CTBP2: variants seen among roughly 807,000 people sequenced by gnomAD.
CTBP2 encodes C-terminal binding protein 2.
CTBP2 carries 30 observed loss-of-function variants against 80.3 expected under a neutral mutation model. The observed-to-expected ratio is 0.37, with a 90% CI of 0.28 to 0.51. The LOEUF (loss-of-function observed/expected upper bound fraction) is 0.51, where lower values mean the gene tolerates loss of function less well. Among genes scored for constraint, CTBP2 ranks in the 20% least tolerant of loss-of-function variants. The pLI is 0.93. For synonymous variants in CTBP2, 594 were observed against 587.4 expected, an observed-to-expected ratio of 1.01 and a Z score of -0.16; for missense variants, 1,212 against 1,375.3, an observed-to-expected ratio of 0.88 and a Z score of 1.88.
At chr10:125,016,298 C>T (rs561888309) in intron 1 of CTBP2, among the ~76,000 whole-genome samples, 1 of 152,344 alleles carries the variant, frequency 6.6e-6, no homozygotes, top group South Asian at 2.1e-4. Context: ...CAGGGGCCAC[C>T]ACTGAGTCAC....
At chr10:125,049,756 C>T (rs971175643) in intron 2 of CTBP2, among the ~76,000 whole-genome samples, 4 of 152,154 alleles carry the variant, frequency 2.6e-5, no homozygotes, top group Middle Eastern at 3.2e-3. Context: ...ATCTCAAAAA[C>T]AAGCAGGAAC....
At chr10:125,095,891 C>A (rs550987545) in intron 2 of CTBP2, among the ~76,000 whole-genome samples, 117 of 152,218 alleles carry the variant, frequency 7.7e-4, no homozygotes, top group Non-Finnish European at 1.0e-3. Flanking sequence ...TTGCTAAGGC[C>A]CAATGGTCAT....
At chr10:125,039,918 G>T (rs1959205340) in intron 2 of CTBP2, among the ~76,000 whole-genome samples, 1 of 152,172 alleles carries the variant, frequency 6.6e-6, no homozygotes, top group African/African-American at 2.4e-5. Flanking sequence ...GCTGATGGAG[G>T]AGGCAAGAAA....
chr10:125,104,452 A>T (rs1339038806), intron 2 of CTBP2, among the ~76,000 whole-genome samples: 5 of 152,184 alleles, frequency 3.3e-5, no homozygotes, highest in Non-Finnish European at 5.9e-5. Flanking sequence ...TATACTGCTG[A>T]GAAATTGATT....
chr10:125,141,645 C>T (rs577432198), intron 1 of CTBP2, among the ~76,000 whole-genome samples: 7 of 152,184 alleles, frequency 4.6e-5, no homozygotes, highest in Admixed American at 1.3e-4. Context: ...AGTAAACACA[C>T]GGCAAGTACA....
intron 1 of CTBP2, among the ~76,000 whole-genome samples, chr10:125,116,768 G>A (rs934650932): frequency 2.0e-5 from 3 of 152,184 alleles, no homozygotes; most frequent in Admixed American, 6.5e-5. Context: ...GGCATGGAAA[G>A]TGGTGCCAGG....
chr10:125,078,645 G>A (rs1846672448), intron 2 of CTBP2, among the ~76,000 whole-genome samples: 1 of 152,108 alleles, frequency 6.6e-6, no homozygotes, highest in Non-Finnish European at 1.5e-5. Context: ...AAGCTGCGAT[G>A]GTTGGGGACA....
At chr10:125,137,495 TG>T (rs1232188237) in intron 1 of CTBP2, among the ~76,000 whole-genome samples, 2 of 152,214 alleles carry the variant, frequency 1.3e-5, no homozygotes, top group African/African-American at 2.4e-5. Context: ...ATCTTTTAAA[TG>T]CACAATGTGC....
chr10:125,126,372 A>G (rs1375457789), intron 1 of CTBP2, among the ~76,000 whole-genome samples: 1 of 152,214 alleles, frequency 6.6e-6, no homozygotes, highest in African/African-American at 2.4e-5. Context: ...CTTAAAAGAC[A>G]TCAAGAGTTA....
chr10:124,987,997 C>T lies in CTBP2; in HGVS notation c.*1521G>A, dbSNP rs1218644963. 6.6e-6 allele frequency: 1 copy of T among 152,426 alleles called. No homozygotes were observed. Among genetic ancestry groups the T allele is most frequent in the Non-Finnish European group, 1.5e-5 (1 of 67,932 alleles). The allele number at this position is 152,426 out of a possible 1,614,324, so 9.4% of individuals were successfully genotyped here. ...AACAGTTTCAAGGTTCACTTCCCTC[C>T]CTTGAACCAGGTCCAGGTCATTTTG... On this transcript the variant is annotated 3_prime_UTR_variant, in exon 9 of 9. Transcript: ENST00000309035.
chr10:125,076,483 A>G (rs1418949920), intron 2 of CTBP2, among the ~76,000 whole-genome samples: 2 of 152,118 alleles, frequency 1.3e-5, no homozygotes, highest in African/African-American at 4.8e-5. Context: ...GTCACCACTC[A>G]GCTCTTTCCC....
At chr10:124,990,289 C>T (rs572884686) in intron 8 of CTBP2, among the ~76,000 whole-genome samples, 12 of 152,040 alleles carry the variant, frequency 7.9e-5, no homozygotes, top group African/African-American at 1.9e-4. Context: ...GTGATCCGCC[C>T]GCCTCAGCCT....
chr10:125,157,934 A>T (rs2133521667), intron 1 of CTBP2, among the ~76,000 whole-genome samples: 1 of 152,310 alleles, frequency 6.6e-6, no homozygotes, highest in Middle Eastern at 3.4e-3. Context: ...CAGTTCAGAG[A>T]TCTGATGCCA....
rs989495155 is a variant in CTBP2 at position 125,027,056 on chromosome 10, T to C, written c.704A>G (p.Asp235Gly). Residue 235 changes from aspartate (D) to glycine (G), a missense_variant, in exon 1 of 9, where the codon GAC (aspartate) becomes GGC (glycine). Transcript: ENST00000309035. ...TTCGGGGGCAGCAGCTGAACTGGGGTCCACAACCAGGCACGTCGGGGCCAC... is the reference window on the plus strand; with the variant it reads ...TTCGGGGGCAGCAGCTGAACTGGGGCCCACAACCAGGCACGTCGGGGCCAC... 13 of 1,612,914 alleles carry C rather than the reference T, an allele frequency of 8.1e-6. No homozygotes were observed. The highest frequency in any genetic ancestry group is 2.2e-5 in the East Asian group (1 of 44,860).
chr10:125,105,667 C>T (rs1387248813), intron 2 of CTBP2, among the ~76,000 whole-genome samples: 1 of 151,982 alleles, frequency 6.6e-6, no homozygotes, highest in Non-Finnish European at 1.5e-5. Flanking sequence ...TGCTTAAAAC[C>T]AAGACATTTT....
intron 1 of CTBP2, among the ~76,000 whole-genome samples, chr10:125,117,720 A>G (rs1333039161): frequency 6.6e-6 from 1 of 152,262 alleles, no homozygotes; most frequent in Admixed American, 6.5e-5. Flanking sequence ...CCGAGATTCA[A>G]TTCCACCAAC....
chr10:125,159,905 ACGC>A (rs914402297), intron 1 of CTBP2: 106 of 147,812 alleles, frequency 7.2e-4, no homozygotes, highest in Admixed American at 2.2e-3. Context: ...CGTCGCCGAG[ACGC>A]CGCCGCCGCC....
chr10:125,074,858 C>G (rs1230759079), intron 2 of CTBP2, among the ~76,000 whole-genome samples: 1 of 152,194 alleles, frequency 6.6e-6, no homozygotes, highest in Non-Finnish European at 1.5e-5. Flanking sequence ...CAGAGAAGTA[C>G]AATGAGCTGA....
Position 124,986,291 on chromosome 10 carries a change from G to GCGCACACACA in CTBP2, c.*3226_*3227insTGTGTGTGCG, listed in dbSNP as rs879175826. ...AGACGACACACGCACGCGCGCGCGC[G>GCGCACACACA]CACACACACACACACACACACACAC... is the stretch of plus-strand genomic sequence containing the variant. On this transcript the variant is annotated 3_prime_UTR_variant, in exon 9 of 9. Coordinates refer to ENST00000309035, the MANE Select transcript of CTBP2 (RefSeq NM_022802.3). 8.6e-6 allele frequency: 1 copy of GCGCACACACA among 116,020 alleles called. No homozygotes were observed. The highest frequency in any genetic ancestry group is 3.3e-5 in the African/African-American group (1 of 30,496). 7.2% of individuals were successfully genotyped at this position (116,020 alleles called of 1,614,324 possible).
Sources: allele counts gnomAD v4.1 joint callset (sites outside exome capture counted in the v4.1 genomes callset), GRCh38; gene constraint gnomAD v4.1.1; transcripts MANE v1.5; gene names NCBI Gene and HGNC (gene_info 2026-07-23, HGNC 2026-07-21).